The following RBM33 variants were observed in gnomAD, a reference collection of about 807,000 sequenced individuals.
RBM33 encodes RNA binding motif protein 33, also known as RNA-binding protein 33.
RBM33 carries 28 observed loss-of-function variants against 132.6 expected under a neutral mutation model. That is an observed-to-expected ratio of 0.21 (90% confidence interval 0.16 to 0.29). The LOEUF (loss-of-function observed/expected upper bound fraction) is 0.29. Ranked by LOEUF, RBM33 falls within the 10% of genes least tolerant of loss-of-function variation. The pLI is 1.00. For synonymous variants in RBM33, 634 were observed against 593.0 expected (o/e 1.07, Z -1.01); for missense variants, 1,291 against 1,518.5 (o/e 0.85, Z 2.49).
intron 16 of RBM33, among the ~76,000 whole-genome samples, chr7:155,771,443 G>C (rs1585554548): frequency 6.6e-6 from 1 of 152,140 alleles, no homozygotes; most frequent in Non-Finnish European, 1.5e-5. Context: ...CAAATTTTAG[G>C]GCAGCACGCT....
At chr7:155,669,007 T>C (rs1276772118) in intron 2 of RBM33, among the ~76,000 whole-genome samples, 1 of 152,252 alleles carries the variant, frequency 6.6e-6, no homozygotes, top group East Asian at 1.9e-4. Context: ...TACCGTATTA[T>C]GAATTGCAGT....
chr7:155,721,345 T>C (rs1424817453), intron 9 of RBM33, among the ~76,000 whole-genome samples: 1 of 152,224 alleles, frequency 6.6e-6, no homozygotes, highest in Non-Finnish European at 1.5e-5. Flanking sequence ...AAACTTAATA[T>C]AGAGTGACCT....
chr7:155,778,087 T>A lies in RBM33; in HGVS notation c.*3046T>A, dbSNP rs2117093979. The A allele has an allele frequency of 6.5e-6, 1 of 152,754 alleles. No individual in the cohort carries two copies. Among genetic ancestry groups the A allele is most frequent in the South Asian group, 2.1e-4 (1 of 4,824 alleles). 9.5% of individuals were successfully genotyped at this position (152,754 alleles called of 1,614,324 possible). ...TCTTCTAAAGAGTAAATCTCATCATTTTTCCAGACAAATTTTGAGGGGTTT... is the reference window on the plus strand; with the variant it reads ...TCTTCTAAAGAGTAAATCTCATCATATTTCCAGACAAATTTTGAGGGGTTT... On this transcript the variant is annotated 3_prime_UTR_variant, in exon 18 of 18. Coordinates refer to ENST00000401878, the MANE Select transcript of RBM33 (RefSeq NM_053043.3). This position sits in a 1 kb window ranked among gnomAD's most constrained non-coding sequence, Gnocchi z 4.0.
intron 6 of RBM33, chr7:155,701,218 G>A (rs1563150630): frequency 3.9e-6 from 2 of 518,512 alleles, no homozygotes; most frequent in East Asian, 3.1e-5. Flanking sequence ...AGCTGCTCTT[G>A]TACATGCTGT....
Position 155,774,727 on chromosome 7 carries a change from G to C in RBM33, c.3464+80G>C. 1 of 1,152,910 alleles carries C rather than the reference G, an allele frequency of 8.7e-7. No individual in the cohort carries two copies. 71.4% of individuals were successfully genotyped at this position (1,152,910 alleles called of 1,614,324 possible). A position where few individuals can be genotyped will look rare whatever the true frequency, so the allele number is the denominator to read the frequency against. On this transcript the variant is annotated intron_variant, in intron 17 of 17. Coordinates refer to ENST00000401878, the MANE Select transcript of RBM33 (RefSeq NM_053043.3). The surrounding 1 kb of genome is among the most constrained non-coding windows in gnomAD (Gnocchi z 4.2). ...TTCCTGTGCCCTCCCATCCATCATG[G>C]TAGCAAGCGTGTGTCCCCACCTGTT...
chr7:155,673,940 G>GTTGTTGTTTTTTTTTTTTTTT, intron 3 of RBM33, among the ~76,000 whole-genome samples: 16 of 54,194 alleles, frequency 3.0e-4, no homozygotes, highest in African/African-American at 8.2e-4. Flanking sequence ...TTTAGGCTTA[G>GTTGTTGTTTTTTTTTTTTTTT]TTTTTTTTTT....
Position 155,738,356 on chromosome 7 carries a change from G to A in RBM33, c.1690G>A (p.Gly564Ser). Residue 564 changes from glycine to serine, a missense_variant, in exon 11 of 18, where the codon GGC becomes AGC. Transcript: ENST00000401878. ...FIPPRQPFLP[G>S]PGQPFLPTHT... ...TCCTCCTAGACAGCCGTTCCTGCCA[G>A]GCCCAGGACAGCCGTTTCTGCCCAC... The A allele has an allele frequency of 6.2e-7, 1 of 1,613,958 alleles. No homozygotes were observed. The highest frequency in any genetic ancestry group is 8.5e-7 in the Non-Finnish European group (1 of 1,179,866).
chr7:155,672,698 T>C (rs1798974991), intron 2 of RBM33, among the ~76,000 whole-genome samples, 169 bp from the exon 3 acceptor site: 1 of 147,628 alleles, frequency 6.8e-6, no homozygotes, highest in Non-Finnish European at 1.5e-5. Context: ...TCAGCTGAGA[T>C]TGCACCATTG....
intron 14 of RBM33, among the ~76,000 whole-genome samples, 154 bp from the exon 15 acceptor site, chr7:155,763,658 C>G (rs1351110700): frequency 1.3e-5 from 2 of 152,224 alleles, no homozygotes; most frequent in African/African-American, 4.8e-5. Context: ...AATGTCCTTA[C>G]TGGCTCTAGT....
At position 155,647,863 on chromosome 7, in the gene RBM33, G is replaced by A. The variant is rs111897034; in HGVS notation, c.43+2944G>A. 3.1e-3 allele frequency among the ~76,000 whole-genome samples: 476 copies of A among 152,282 alleles called. 7 individuals are homozygous for A. The highest frequency in any genetic ancestry group is 0.011 in the African/African-American group (458 of 41,556). ...AACAAAAACATAAAGGCAAAAACAT[G>A]GCATTTTGGGGAAGGAACAAATAGT... On this transcript the variant is annotated intron_variant, in intron 1 of 17. Transcript: ENST00000401878.
intron 14 of RBM33, among the ~76,000 whole-genome samples, chr7:155,762,000 C>T (rs921526908): frequency 6.6e-6 from 1 of 152,118 alleles, no homozygotes; most frequent in Non-Finnish European, 1.5e-5. Flanking sequence ...ATTTTTATTT[C>T]TCAGCCTAGC....
At chr7:155,676,494 C>G (rs2116916737) in intron 3 of RBM33, among the ~76,000 whole-genome samples, 1 of 152,262 alleles carries the variant, frequency 6.6e-6, no homozygotes, top group Non-Finnish European at 1.5e-5. Context: ...TAAACTCTGG[C>G]TATTCCATGA....
intron 1 of RBM33, among the ~76,000 whole-genome samples, chr7:155,653,087 T>A (rs1798399776): frequency 6.6e-6 from 1 of 152,148 alleles, no homozygotes; most frequent in African/African-American, 2.4e-5. Context: ...TATTTTTTTT[T>A]AAACCATATA....
chr7:155,727,890 A>G (rs1800838484), intron 9 of RBM33, among the ~76,000 whole-genome samples: 1 of 152,144 alleles, frequency 6.6e-6, no homozygotes, highest in Admixed American at 6.5e-5. Context: ...CGCAGCCTCA[A>G]GTAGCTGGGA....
chr7:155,718,763 G>A (rs1800538926), intron 9 of RBM33, among the ~76,000 whole-genome samples: 2 of 152,086 alleles, frequency 1.3e-5, no homozygotes, highest in African/African-American at 4.8e-5. Context: ...GAGAGGTGGG[G>A]GGTGTATGTG....
At chr7:155,665,075 C>T (rs887228859) in intron 1 of RBM33, 100 bp from the exon 2 acceptor site, 4 of 875,672 alleles carry the variant, frequency 4.6e-6, no homozygotes, top group South Asian at 3.1e-5. Context: ...TTTAAAATGT[C>T]AAGTCAGGAA....
chr7:155,670,933 T>C (rs1442648236), intron 2 of RBM33, among the ~76,000 whole-genome samples: 1 of 152,254 alleles, frequency 6.6e-6, no homozygotes, highest in Non-Finnish European at 1.5e-5. Flanking sequence ...TTTATTTCCA[T>C]GTACTTGTCA....
At chr7:155,651,333 TTG>T (rs1422482527) in intron 1 of RBM33, among the ~76,000 whole-genome samples, 4 of 152,140 alleles carry the variant, frequency 2.6e-5, no homozygotes, top group African/African-American at 9.7e-5. Flanking sequence ...GGCGGTATTG[TTG>T]TGTTTTCTGG....
chr7:155,771,149 C>A (rs776631515), intron 16 of RBM33, among the ~76,000 whole-genome samples: 3 of 152,184 alleles, frequency 2.0e-5, no homozygotes, highest in Non-Finnish European at 4.4e-5. Flanking sequence ...GAGACAAATT[C>A]TAACTTGTGG....
Sources: gnomAD v4.1 joint callset for allele counts (sites outside exome capture counted in the v4.1 genomes callset) on GRCh38, gnomAD v4.1.1 for gene constraint, Gnocchi (gnomAD v3.1) non-coding constraint, MANE v1.5 for transcripts, NCBI Gene and HGNC (gene_info 2026-07-23, HGNC 2026-07-21) for gene names.